Variants in CTBP1 observed in about 807,000 individuals in gnomAD.
CTBP1 encodes the protein C-terminal-binding protein 1.
In CTBP1, 11 loss-of-function variants were observed where a neutral mutation model predicts 42.1. The ratio of observed to expected loss-of-function variants is 0.26; its 90% confidence interval spans 0.16 to 0.43. CTBP1 has a LOEUF of 0.43. CTBP1 is among the 20% of genes least tolerant of loss of function. The pLI is 1.00. For synonymous variants in CTBP1, 324 were observed against 277.1 expected (o/e 1.17, Z -1.68); for missense variants, 399 against 624.3 (o/e 0.64, Z 3.85).
intron 5 of CTBP1, among the ~76,000 whole-genome samples, chr4:1,224,869 T>G (rs1167908865): frequency 6.6e-6 from 1 of 151,646 alleles, no homozygotes; most frequent in Admixed American, 6.6e-5. Context: ...CTGTGGCATC[T>G]ATGACATCCG....
chr4:1,248,538 G>A, intron 1 of CTBP1: 2 of 341,976 alleles, frequency 5.8e-6, no homozygotes, highest in Non-Finnish European at 8.3e-6. Context: ...GGTCATGACC[G>A]GGGACGGGGT....
intron 2 of CTBP1, among the ~76,000 whole-genome samples, chr4:1,239,219 CAG>C (rs1158965837): frequency 6.6e-6 from 1 of 152,232 alleles, no homozygotes; most frequent in Non-Finnish European, 1.5e-5. Context: ...TGAGGCGTCA[CAG>C]AAGCATGGCA....
rs528547592 is a variant in CTBP1 at position 1,243,404 on chromosome 4, G to A, written c.-188-1885C>T. ...GGGCTAGCCCTGCCAGACCTGAGGG[G>A]CTGCACCCCATGCCACAGGGACTTC... On this transcript the variant is annotated intron_variant, in intron 1 of 9. Transcript: ENST00000382952. The A allele has an allele frequency of 4.8e-3, 4,771 of 985,360 alleles. 43 individuals are homozygous for A. Among genetic ancestry groups the A allele is most frequent in the South Asian group, 0.021 (440 of 21,282 alleles). 61.0% of individuals were successfully genotyped at this position (985,360 alleles called of 1,614,324 possible).
intron 3 of CTBP1, among the ~76,000 whole-genome samples, chr4:1,231,682 C>T (rs2108766693): frequency 6.6e-6 from 1 of 152,374 alleles, no homozygotes; most frequent in Non-Finnish European, 1.5e-5. Flanking sequence ...GAAACTGCTG[C>T]TCACATCAGG....
At position 1,225,397 on chromosome 4, in the gene CTBP1, G is replaced by A; in HGVS notation, c.477C>T (p.Ala159=). The A allele has an allele frequency of 6.4e-7, 1 of 1,566,976 alleles. No homozygotes were observed. Among genetic ancestry groups the A allele is most frequent in the Non-Finnish European group, 8.6e-7 (1 of 1,160,892 alleles). Residue 159 remains alanine (A), a synonymous_variant, in exon 5 of 10, where the codon GCC becomes GCT. Coordinates refer to ENST00000382952, the MANE Select transcript of CTBP1 (RefSeq NM_001012614.2). ...EQIREVASGA[A]RIRGETLGII... ...TGCCCAAGGTCTCCCCGCGGATCCT[G>A]GCAGCGCCGGACGCCACCTCGCGGA...
At chr4:1,214,593 C>T in intron 6 of CTBP1, 120 bp from the exon 7 acceptor site, 5 of 1,282,862 alleles carry the variant, frequency 3.9e-6, no homozygotes, top group Non-Finnish European at 5.2e-6. Context: ...CTTCCCAGCC[C>T]CACCCTGGGC....
upstream of CTBP1, chr4:1,249,771 G>A: frequency 3.1e-6 from 1 of 322,032 alleles, no homozygotes; most frequent in South Asian, 2.0e-5. Flanking sequence ...GGAAGTTCAG[G>A]GCTGGAGAAC....
chr4:1,236,588 G>C, intron 3 of CTBP1: 1 of 675,272 alleles, frequency 1.5e-6, no homozygotes, highest in Non-Finnish European at 2.7e-6. Flanking sequence ...TCCTGATGGG[G>C]CTCAGGACAA....
In CTBP1 at chr4:1,216,097, C is replaced by T. The variant is rs745938565; in HGVS notation, c.623G>A (p.Arg208His). 4.3e-6 allele frequency: 7 copies of T among 1,611,460 alleles called. No homozygotes were observed. The highest frequency in any genetic ancestry group is 2.2e-5 in the East Asian group (1 of 44,874). Reference sequence around the variant, plus strand: ...GAGCAGGTCCTGCAGGGTGCTGACACGCTGCAGCCCCAGCGCCCGCTCCAC... The same window carrying T: ...GAGCAGGTCCTGCAGGGTGCTGACATGCTGCAGCCCCAGCGCCCGCTCCAC... The part of the protein sequence containing the change: ...DGVERALGLQ[R>H]VSTLQDLLFH... Residue 208 changes from arginine to histidine, a missense_variant, in exon 6 of 10, where the codon CGT (arginine) becomes CAT (histidine). Coordinates refer to ENST00000382952, the MANE Select transcript of CTBP1 (RefSeq NM_001012614.2).
At chr4:1,215,877 C>T (rs991247718) in intron 6 of CTBP1, 114 bp downstream of exon 6, 8 of 1,171,970 alleles carry the variant, frequency 6.8e-6, no homozygotes, top group African/African-American at 3.0e-5. Flanking sequence ...CCATGTGGCT[C>T]GCTGAAGGCA....
At chr4:1,225,277 G>T in intron 5 of CTBP1, 83 bp downstream of exon 5, 1 of 1,448,416 alleles carries the variant, frequency 6.9e-7, no homozygotes, top group Non-Finnish European at 9.2e-7. Flanking sequence ...ACCCCGCCCC[G>T]GGCCTCTCCT....
At chr4:1,226,155 G>A (rs542310487) in intron 4 of CTBP1, among the ~76,000 whole-genome samples, 2 of 152,148 alleles carry the variant, frequency 1.3e-5, no homozygotes, top group East Asian at 1.9e-4. Flanking sequence ...GGCCAGGCAC[G>A]CCCATGTGTG....
chr4:1,228,927 A>G (rs2108759061), intron 3 of CTBP1, among the ~76,000 whole-genome samples: 1 of 152,322 alleles, frequency 6.6e-6, no homozygotes, highest in South Asian at 2.1e-4. Flanking sequence ...GTCGCCCAAG[A>G]ACCTGCCCAG....
upstream of CTBP1, chr4:1,249,517 C>T (rs1733136589): frequency 1.1e-5 from 2 of 179,788 alleles, no homozygotes; most frequent in Admixed American, 6.5e-5. Context: ...GCCCCGCTCC[C>T]TTCCCGCTCC....
At position 1,212,947 on chromosome 4, in the gene CTBP1, C is replaced by T. The variant is rs138269585; in HGVS notation, c.1072G>A (p.Val358Ile). 138 of 1,613,666 alleles carry T rather than the reference C, an allele frequency of 8.6e-5. No individual in the cohort carries two copies. The highest frequency in any genetic ancestry group is 1.6e-4 in the Middle Eastern group (1 of 6,082). Reference protein sequence around the residue: ...ATHWASMDPAVVHPELNGAAY... With the variant: ...ATHWASMDPAIVHPELNGAAY... ...GCCCCATTGAGCTCAGGGTGCACGA[C>T]GGCGGGGTCCATGCTGGCCCAGTGG... is the stretch of plus-strand genomic sequence containing the variant. The change falls in exon 9 of 10, where the codon GTC becomes ATC. Residue 358 changes from valine to isoleucine, a missense_variant. Around this residue, in one of 4 missense-constraint regions of CTBP1, gnomAD observed 309 missense variants for 497.5 expected, o/e 0.62. Transcript: ENST00000382952.
intron 1 of CTBP1, chr4:1,245,668 G>A (rs1732643637): frequency 1.0e-6 from 1 of 984,048 alleles, no homozygotes. Context: ...CGGGCGGCAG[G>A]GCAGGGTGGC....
At chr4:1,216,354 A>G (rs1729113978) in intron 5 of CTBP1, 149 bp from the exon 6 acceptor site, 13 of 750,124 alleles carry the variant, frequency 1.7e-5, no homozygotes, top group Non-Finnish European at 2.8e-5. Context: ...GTGCCCACGC[A>G]CGCTCCACAC....
chr4:1,243,102 G>C (rs1732349783), intron 1 of CTBP1: 1 of 985,284 alleles, frequency 1.0e-6, no homozygotes, highest in South Asian at 4.7e-5. Flanking sequence ...TACCCACGGT[G>C]GCCCAGTACC....
chr4:1,224,383 A>G (rs953136982), intron 5 of CTBP1, among the ~76,000 whole-genome samples: 3 of 145,434 alleles, frequency 2.1e-5, no homozygotes, highest in African/African-American at 7.7e-5. Flanking sequence ...TGTGATGTCT[A>G]TGCAGGCCTG....
Sources: gnomAD v4.1 joint callset for allele counts (sites outside exome capture counted in the v4.1 genomes callset) on GRCh38, gnomAD v4.1.1 for gene constraint, gnomAD v4.1.1 regional missense constraint, MANE v1.5 for transcripts, NCBI Gene and HGNC (gene_info 2026-07-23, HGNC 2026-07-21) for gene names.